TACC2: variants seen among roughly 807,000 people sequenced by gnomAD.
TACC2 encodes transforming acidic coiled-coil containing protein 2, also known as transforming acidic coiled-coil-containing protein 2.
TACC2 carries 137 observed loss-of-function variants against 227.3 expected under a neutral mutation model. The ratio of observed to expected loss-of-function variants is 0.60; its 90% CI spans 0.52 to 0.69. The LOEUF (loss-of-function observed/expected upper bound fraction) is 0.69. Ranked by LOEUF, TACC2 falls within the 30% of genes least tolerant of loss-of-function variation. The pLI is 0.00. For synonymous variants in TACC2, 1,523 were observed against 1,487.5 expected, an observed-to-expected ratio of 1.02 and a Z score of -0.55; for missense variants, 3,470 against 3,694.4, an observed-to-expected ratio of 0.94 and a Z score of 1.57.
At chr10:122,183,722 A>G (rs994401502) in intron 7 of TACC2, among the ~76,000 whole-genome samples, 1 of 152,092 alleles carries the variant, frequency 6.6e-6, no homozygotes, top group Non-Finnish European at 1.5e-5. Context: ...ATTTGCAAAT[A>G]AGGACTCCAG....
In TACC2 at chr10:122,088,633, C is replaced by T. The variant is rs1303232658; in HGVS notation, c.5573+42C>T. 7 of 1,593,734 alleles carry T rather than the reference C, an allele frequency of 4.4e-6. 1 individual carries two copies. In the South Asian group the frequency reaches 6.8e-5, roughly 15 times the overall value. ...GGTCTTTGGAAGGCCATGATGCCTT[C>T]CTTAGATACAGACACACTGGATGTT... On this transcript the variant is annotated intron_variant, in intron 5 of 22. Transcript: ENST00000369005.
intron 5 of TACC2, among the ~76,000 whole-genome samples, chr10:122,131,221 T>TGTCCCATGAGAC (rs1253518193): frequency 6.6e-6 from 1 of 150,774 alleles, no homozygotes; most frequent in Non-Finnish European, 1.5e-5. Flanking sequence ...TGCCTGAAGC[T>TGTCCCATGAGAC]GTCCCATGAG....
chr10:122,191,104 G>C (rs1407849584), intron 7 of TACC2, among the ~76,000 whole-genome samples: 1 of 151,626 alleles, frequency 6.6e-6, no homozygotes, highest in African/African-American at 2.4e-5. Flanking sequence ...TGGGCCTGCT[G>C]TCTGGCAGCC....
At chr10:122,170,867 C>T (rs1565495240) in intron 7 of TACC2, among the ~76,000 whole-genome samples, 1 of 152,162 alleles carries the variant, frequency 6.6e-6, no homozygotes, top group African/African-American at 2.4e-5. Flanking sequence ...ACTCCATCCA[C>T]TCCCCTCAGC....
intron 8 of TACC2, among the ~76,000 whole-genome samples, chr10:122,197,835 C>T (rs113553712): frequency 3.1e-4 from 47 of 152,322 alleles, no homozygotes; most frequent in African/African-American, 1.1e-3. Context: ...GTTAGAAAAC[C>T]GCCTCCCAGG....
At chr10:122,052,155 A>C (rs1233971685) in intron 3 of TACC2, 1 of 152,052 alleles carries the variant, frequency 6.6e-6, no homozygotes, top group East Asian at 1.9e-4. Flanking sequence ...CTATGAAACT[A>C]GTGAATGCAT....
chr10:122,083,878 G>A lies in TACC2; in HGVS notation c.1378G>A (p.Val460Met). ...AGTTTCTGCAGATGCAGCCAAAGAG[G>A]TGGTGGATGCAGGGTTGGTGGGACT... is the stretch of plus-strand genomic sequence containing the variant. Reference protein sequence around the residue: ...MPVSADAAKEVVDAGLVGLER... With the variant: ...MPVSADAAKEMVDAGLVGLER... The change falls in exon 4 of 23, where the codon GTG becomes ATG. Residue 460 changes from valine to methionine, a missense_variant. This residue lies in a region of TACC2 where 1,924 missense variants were observed against 1,978.3 expected (regional missense o/e 0.97). Transcript: ENST00000369005. The A allele has an allele frequency of 6.2e-7, 1 of 1,614,176 alleles. No individual in the cohort carries two copies. The highest frequency in any genetic ancestry group is 8.5e-7 in the Non-Finnish European group (1 of 1,180,036).
At chr10:122,193,393 G>T (rs1192617964) in intron 7 of TACC2, among the ~76,000 whole-genome samples, 2 of 152,202 alleles carry the variant, frequency 1.3e-5, no homozygotes, top group African/African-American at 2.4e-5. Flanking sequence ...TTTGGTTCCT[G>T]GTGCTCTCTG....
chr10:121,989,750 TTTTA>T (rs770574072), intron 1 of TACC2, among the ~76,000 whole-genome samples: 22,823 of 150,580 alleles, frequency 0.15, 2,131 homozygotes, highest in Admixed American at 0.24. Context: ...TTTAAATTAA[TTTTA>T]TTTTTTTTTT....
chr10:122,133,948 T>C lies in TACC2; in HGVS notation c.5699+1214T>C, dbSNP rs757606042. Reference sequence around the variant, plus strand: ...ACCAGATGAGGGGGGGACAGGGACCTGGGGGCTGGCCCGTGCTGACCCTCT... The same window carrying C: ...ACCAGATGAGGGGGGGACAGGGACCCGGGGGCTGGCCCGTGCTGACCCTCT... On this transcript the variant is annotated intron_variant, in intron 6 of 22. Coordinates refer to ENST00000369005, the MANE Select transcript of TACC2 (RefSeq NM_206862.4). Among the ~76,000 whole-genome samples the C allele has an allele frequency of 2.3e-4, 35 of 152,086 alleles. 1 individual carries two copies. Among genetic ancestry groups the C allele is most frequent in the Non-Finnish European group, 4.1e-4 (28 of 68,004 alleles).
chr10:122,047,254 A>G (rs1591436180), intron 2 of TACC2, among the ~76,000 whole-genome samples: 1 of 137,594 alleles, frequency 7.3e-6, no homozygotes, highest in Admixed American at 8.6e-5. Flanking sequence ...GTGCCACCAA[A>G]CTCCAGCCTG....
chr10:122,228,029 C>T lies in TACC2; in HGVS notation c.7896+21C>T, dbSNP rs758225392. On this transcript the variant is annotated intron_variant, in intron 14 of 22. Coordinates refer to ENST00000369005, the MANE Select transcript of TACC2 (RefSeq NM_206862.4). ...AAATTGTAAGTGGAGTTGGAGGGCC[C>T]CAGATCACAGGGGATGAGGTGTGGG... The T allele has an allele frequency of 3.1e-6, 5 of 1,607,400 alleles. No individual in the cohort carries two copies. The Middle Eastern group carries it at 6.4e-4, about 206-fold the overall frequency.
intron 1 of TACC2, among the ~76,000 whole-genome samples, chr10:121,995,739 A>T (rs1311197690): frequency 6.6e-6 from 1 of 151,532 alleles, no homozygotes; most frequent in Non-Finnish European, 1.5e-5. Flanking sequence ...ACAGAGCAAG[A>T]GAGATGCCAG....
At chr10:122,183,964 G>A (rs1366854377) in intron 7 of TACC2, among the ~76,000 whole-genome samples, 4 of 152,184 alleles carry the variant, frequency 2.6e-5, no homozygotes, top group Non-Finnish European at 4.4e-5. Context: ...GTGCCCGCAG[G>A]TGATGGGGAA....
intron 7 of TACC2, among the ~76,000 whole-genome samples, chr10:122,155,519 T>C (rs1175229559): frequency 6.6e-6 from 1 of 152,192 alleles, no homozygotes; most frequent in Non-Finnish European, 1.5e-5. Context: ...ATGGATAACA[T>C]TGGTTATGTT....
At chr10:121,993,598 C>T (rs539526953) in intron 1 of TACC2, among the ~76,000 whole-genome samples, 3 of 152,038 alleles carry the variant, frequency 2.0e-5, no homozygotes, top group African/African-American at 7.2e-5. Context: ...ATCCTCCTTT[C>T]GGGGCTTTTG....
rs971377205 is a variant in TACC2, at chr10:122,216,633, A to C, written c.7351A>C (p.Thr2451Pro). 1.5e-5 allele frequency: 25 copies of C among 1,613,240 alleles called. No homozygotes were observed. Among genetic ancestry groups the C allele is most frequent in the Middle Eastern group, 3.3e-4 (2 of 6,058 alleles). ...GTTTCTCTTCTCTTTGCAGGACCCC[A>C]CCCCAGCTGCTACACCAGAAACACC... Reference protein sequence around the residue: ...PLSDPPSQDPTPAATPETPPV... With the variant: ...PLSDPPSQDPPPAATPETPPV... The change falls in exon 11 of 23, where the codon ACC (threonine) becomes CCC (proline). Residue 2451 changes from threonine to proline, a missense_variant. Physicochemically the swap from Thr to Pro is conservative, Grantham distance 38. Transcript: ENST00000369005.
At chr10:122,170,190 C>A (rs779054751) in intron 7 of TACC2, among the ~76,000 whole-genome samples, 25 of 152,148 alleles carry the variant, frequency 1.6e-4, no homozygotes, top group Middle Eastern at 6.8e-3. Flanking sequence ...CCAGCCCCAC[C>A]CCCATCTTCC....
chr10:122,012,275 C>G (rs1474064429), intron 1 of TACC2, among the ~76,000 whole-genome samples: 5 of 151,680 alleles, frequency 3.3e-5, no homozygotes, highest in African/African-American at 1.2e-4. Context: ...CAAAAATTAG[C>G]TGGGTGTGGT....
Sources: gnomAD v4.1 joint callset for allele counts (sites outside exome capture counted in the v4.1 genomes callset) on GRCh38, gnomAD v4.1.1 for gene constraint, gnomAD v4.1.1 regional missense constraint, MANE v1.5 for transcripts, NCBI Gene and HGNC (gene_info 2026-07-23, HGNC 2026-07-21) for gene names.